The following MMD2 variants were observed in gnomAD, a reference collection of about 807,000 sequenced individuals.
The protein encoded by MMD2 is monocyte to macrophage differentiation associated 2.
MMD2 carries 30 observed loss-of-function variants against 33.5 expected under a neutral mutation model. That is an observed-to-expected ratio of 0.90 (90% confidence interval 0.67 to 1.22). The LOEUF (loss-of-function observed/expected upper bound fraction) is 1.22, where lower values mean the gene tolerates loss of function less well. Among genes scored for constraint, MMD2 ranks in the 50% most tolerant of loss-of-function variants. MMD2 has a pLI of 0.00. For synonymous variants in MMD2, 129 were observed against 123.0 expected (o/e 1.05, Z -0.32); for missense variants, 364 against 325.4 (o/e 1.12, Z -0.91).
In MMD2 at chr7:4,958,965, G is replaced by A; in HGVS notation, c.47+6C>T. On this transcript the variant is annotated splice_donor_region_variant and intron_variant, in intron 1 of 6. Coordinates refer to ENST00000401401, the MANE Select transcript of MMD2 (RefSeq NM_198403.4). ...CTCCCCGCGGACCTCCGCGGCCGCC[G>A]CTCACCTCGCGTATTTCGTCTTCTG... 7.8e-7 allele frequency: 1 copy of A among 1,281,392 alleles called. No individual in the cohort carries two copies. The highest frequency in any genetic ancestry group is 9.9e-7 in the Non-Finnish European group (1 of 1,007,302). The allele number at this position is 1,281,392 out of a possible 1,614,324, so 79.4% of individuals were successfully genotyped here. A position where few individuals can be genotyped will look rare whatever the true frequency, so the allele number is the denominator to read the frequency against.
intron 1 of MMD2, among the ~76,000 whole-genome samples, chr7:4,928,038 C>T (rs1458929790): frequency 6.6e-6 from 1 of 152,182 alleles, no homozygotes; most frequent in Non-Finnish European, 1.5e-5. Flanking sequence ...CTAAGGTCTG[C>T]ACACACCTGG....
At chr7:4,934,929 T>C (rs1486191032) in intron 1 of MMD2, among the ~76,000 whole-genome samples, 3 of 152,206 alleles carry the variant, frequency 2.0e-5, no homozygotes, top group African/African-American at 7.2e-5. Flanking sequence ...CTCACGCCTG[T>C]GATCCCAGCA....
Position 4,924,586 on chromosome 7 carries a change from G to C in MMD2, c.129+865C>G, listed in dbSNP as rs1785373992. Among the ~76,000 whole-genome samples, 3 of 152,210 alleles carry C rather than the reference G, an allele frequency of 2.0e-5. No individual in the cohort carries two copies. In the South Asian group the frequency reaches 6.2e-4, roughly 32 times the overall value. ...GTGATGGACAGCTGGCATGGTGATG[G>C]GCCGTGAAGGCTACAATGGCTGGGG... On this transcript the variant is annotated intron_variant, in intron 2 of 6. Coordinates refer to ENST00000401401, the MANE Select transcript of MMD2 (RefSeq NM_198403.4).
intron 1 of MMD2, among the ~76,000 whole-genome samples, chr7:4,931,070 C>T: frequency 6.6e-6 from 1 of 152,144 alleles, no homozygotes; most frequent in African/African-American, 2.4e-5. Context: ...AGGCTAGTCT[C>T]GAACTCCTGA....
rs373010431 is a variant in MMD2, at chr7:4,915,308, T to A, written c.365+697A>T. Among the ~76,000 whole-genome samples, 5 of 151,670 alleles carry A rather than the reference T, an allele frequency of 3.3e-5. No homozygotes were observed. The South Asian group carries it at 8.3e-4, about 25-fold the overall frequency. On this transcript the variant is annotated intron_variant, in intron 4 of 6. Coordinates refer to ENST00000401401, the MANE Select transcript of MMD2 (RefSeq NM_198403.4). ...TTAAAAATTTAAAAGCTATATTAAA[T>A]AAATTAAATATTAAGTAAATATAAA...
intron 1 of MMD2, 101 bp downstream of exon 1, chr7:4,958,870 C>A (rs1435341871): frequency 9.4e-6 from 10 of 1,060,540 alleles, no homozygotes; most frequent in African/African-American, 3.3e-5. Flanking sequence ...TCCCCTCTAG[C>A]GCTCCGGGCG....
At chr7:4,910,197 G>A (rs1324810080) in intron 5 of MMD2, among the ~76,000 whole-genome samples, 1 of 152,162 alleles carries the variant, frequency 6.6e-6, no homozygotes, top group Non-Finnish European at 1.5e-5. Context: ...AATGCATGCT[G>A]GTGCCAGAGC....
rs573925088 is a variant in MMD2, at chr7:4,911,128, C to T, written c.467+17G>A. On this transcript the variant is annotated intron_variant, in intron 5 of 6. Transcript: ENST00000401401. ...TAAGGGAATCCCGCCTCCCTGAAGC[C>T]CCCAGGCCTGGCTTACCGCTCATGG... The T allele has an allele frequency of 1.9e-6, 3 of 1,561,080 alleles. No homozygotes were observed. The South Asian group carries it at 3.5e-5, about 18-fold the overall frequency.
intron 2 of MMD2, among the ~76,000 whole-genome samples, chr7:4,920,897 T>G (rs1489443064): frequency 2.6e-5 from 4 of 151,996 alleles, no homozygotes; most frequent in African/African-American, 7.2e-5. Flanking sequence ...TTTATATTTT[T>G]TATAGAGGTG....
chr7:4,957,505 C>T (rs534457326), intron 1 of MMD2, among the ~76,000 whole-genome samples: 43 of 151,922 alleles, frequency 2.8e-4, no homozygotes, highest in Middle Eastern at 3.4e-3. Context: ...AAAAATTAGC[C>T]GGGCATGGTG....
chr7:4,920,756 C>T (rs914737134), intron 2 of MMD2, among the ~76,000 whole-genome samples: 2 of 134,358 alleles, frequency 1.5e-5, no homozygotes, highest in African/African-American at 5.3e-5. Context: ...CTTGTCTTGT[C>T]CCCCATGCTG....
intron 1 of MMD2, among the ~76,000 whole-genome samples, chr7:4,939,940 C>T (rs983697752): frequency 6.6e-6 from 1 of 152,068 alleles, no homozygotes; most frequent in Non-Finnish European, 1.5e-5. Context: ...CGGGGTTTTG[C>T]CATGTTGGCC....
chr7:4,955,902 A>C (rs1225671606), intron 1 of MMD2, among the ~76,000 whole-genome samples: 3 of 152,014 alleles, frequency 2.0e-5, no homozygotes, highest in African/African-American at 4.8e-5. Flanking sequence ...AAAATACAAA[A>C]ATTAGCCAGG....
the MMD2 span, among the ~76,000 whole-genome samples, chr7:4,895,328 G>C: frequency 6.6e-6 from 1 of 152,096 alleles, no homozygotes; most frequent in Non-Finnish European, 1.5e-5. Flanking sequence ...CGCCCTCCTC[G>C]GCCTCCCAAA....
Position 4,920,220 on chromosome 7 carries a change from C to T in MMD2, c.241G>A (p.Val81Met), listed in dbSNP as rs373913223. The T allele has an allele frequency of 3.5e-5, 55 of 1,579,720 alleles. No individual in the cohort carries two copies. In the South Asian group the frequency reaches 4.4e-4, roughly 13 times the overall value. The change falls in exon 3 of 7, where the codon GTG becomes ATG. Residue 81 changes from valine to methionine, a missense_variant. Coordinates refer to ENST00000401401, the MANE Select transcript of MMD2 (RefSeq NM_198403.4). Reference sequence around the variant, plus strand: ...ATGGTGTGAAACACAGTGGACACCACGAAGAGGCCGCAGAGGCCGAGGCCG... The same window carrying T: ...ATGGTGTGAAACACAGTGGACACCATGAAGAGGCCGCAGAGGCCGAGGCCG... ...IYGLGLCGLFVVSTVFHTISW... is the reference protein window; with the variant it reads ...IYGLGLCGLFMVSTVFHTISW...
rs181077415 is a variant in MMD2, at chr7:4,919,616, T to C, written c.290+555A>G. Reference sequence around the variant, plus strand: ...AAGAAAACAAGTTGGCCAGGCACAGTGGCTCACACCTGTAATCCCAACACT... The same window carrying C: ...AAGAAAACAAGTTGGCCAGGCACAGCGGCTCACACCTGTAATCCCAACACT... On this transcript the variant is annotated intron_variant, in intron 3 of 6. Coordinates refer to ENST00000401401, the MANE Select transcript of MMD2 (RefSeq NM_198403.4). 1.4e-3 allele frequency among the ~76,000 whole-genome samples: 214 copies of C among 151,572 alleles called. 1 individual carries two copies. The highest frequency in any genetic ancestry group is 3.4e-3 in the Middle Eastern group (1 of 292).
chr7:4,911,235 C>A lies in MMD2; in HGVS notation c.377G>T (p.Arg126Leu). 1 of 1,591,050 alleles carries A rather than the reference C, an allele frequency of 6.3e-7. No individual in the cohort carries two copies. Among genetic ancestry groups the A allele is most frequent in the East Asian group, 2.3e-5 (1 of 43,858 alleles). ...GTGGGAGGCCCAGGGGCCCAGCTCC[C>A]GAAGGTTCAGCCTGGGAGAGAAAGA... The part of the protein sequence containing the change: ...AASYAPWLNL[R>L]ELGPWASHMR... Residue 126 changes from arginine (R) to leucine (L), a missense_variant, in exon 5 of 7, where the codon CGG becomes CTG. Transcript: ENST00000401401.
At chr7:4,955,855 C>G (rs530952210) in intron 1 of MMD2, among the ~76,000 whole-genome samples, 2 of 152,278 alleles carry the variant, frequency 1.3e-5, no homozygotes, top group African/African-American at 2.4e-5. Flanking sequence ...GAGTTCGAGA[C>G]CAGCCTGGCC....
intron 6 of MMD2, among the ~76,000 whole-genome samples, chr7:4,908,703 C>G (rs1784927151): frequency 6.6e-6 from 1 of 151,664 alleles, no homozygotes; most frequent in Non-Finnish European, 1.5e-5. Context: ...TCGAGACCAG[C>G]CTGGCCAACA....
Sources: allele counts gnomAD v4.1 joint callset (sites outside exome capture counted in the v4.1 genomes callset), GRCh38; gene constraint gnomAD v4.1.1; transcripts MANE v1.5; gene names NCBI Gene and HGNC (gene_info 2026-07-23, HGNC 2026-07-21).